Variants in OPCML observed in about 807,000 individuals in gnomAD.
OPCML encodes opioid-binding protein/cell adhesion molecule.
OPCML carries 13 observed loss-of-function variants against 37.8 expected under a neutral mutation model. The observed-to-expected ratio is 0.34, with a 90% CI of 0.22 to 0.55. The LOEUF (loss-of-function observed/expected upper bound fraction) is 0.55, where lower values mean the gene tolerates loss of function less well. OPCML is among the 20% of genes least tolerant of loss of function. The pLI, the probability that OPCML is intolerant of heterozygous loss-of-function variation, is 0.91. For synonymous variants in OPCML, 176 were observed against 168.8 expected (o/e 1.04, Z -0.33); for missense variants, 341 against 435.6 (o/e 0.78, Z 1.93).
chr11:132,632,948 A>C (rs913228202), intron 3 of OPCML, among the ~76,000 whole-genome samples: 1 of 86,080 alleles, frequency 1.2e-5, no homozygotes, highest in Admixed American at 1.0e-4. Flanking sequence ...CACCATATTG[A>C]AAAAAAAAAA....
chr11:133,309,869 G>A (rs1006561817), intron 1 of OPCML, among the ~76,000 whole-genome samples: 2 of 152,188 alleles, frequency 1.3e-5, no homozygotes, highest in Admixed American at 6.5e-5. Flanking sequence ...GTCTATTGGT[G>A]GGGAAGTCAG....
intron 3 of OPCML, among the ~76,000 whole-genome samples, chr11:132,548,376 G>GTTCTGC (rs2096373699): frequency 6.6e-6 from 1 of 152,126 alleles, no homozygotes; most frequent in Non-Finnish European, 1.5e-5. Context: ...CCCTATATCT[G>GTTCTGC]CCCCAGAACA....
intron 1 of OPCML, among the ~76,000 whole-genome samples, chr11:133,332,580 T>A (rs767246182): frequency 6.6e-6 from 1 of 152,204 alleles, no homozygotes; most frequent in Non-Finnish European, 1.5e-5. Flanking sequence ...GCTGTGGGTA[T>A]GTCATAGATG....
intron 4 of OPCML, among the ~76,000 whole-genome samples, chr11:132,457,074 G>T (rs1360777805): frequency 6.6e-6 from 1 of 152,146 alleles, no homozygotes; most frequent in South Asian, 2.1e-4. Flanking sequence ...GGTGGTTTCT[G>T]GGAGGAGCTG....
In OPCML at chr11:133,140,766, A is replaced by C. The variant is rs62644103; in HGVS notation, c.62-197756T>G. Among the ~76,000 whole-genome samples, 92 of 112,572 alleles carry C rather than the reference A, an allele frequency of 8.2e-4. 2 individuals carry two copies. The highest frequency in any genetic ancestry group is 4.2e-3 in the Middle Eastern group (1 of 238). The allele number at this position is 112,572 out of a possible 152,430, so 73.9% of individuals were successfully genotyped here. A position where few individuals can be genotyped will look rare whatever the true frequency, so the allele number is the denominator to read the frequency against. On this transcript the variant is annotated intron_variant, in intron 1 of 7. Coordinates refer to ENST00000524381, the MANE Select transcript of OPCML (RefSeq NM_001012393.5). ...ACGACGAGGAAGAAGAAGACGACGA[A>C]GAAGAAGAAGAAGAAGACGACGAAG...
chr11:133,269,566 T>G (rs1941762172), intron 1 of OPCML, among the ~76,000 whole-genome samples: 1 of 152,226 alleles, frequency 6.6e-6, no homozygotes, highest in Non-Finnish European at 1.5e-5. Flanking sequence ...TTACTCATGT[T>G]TTTTCTTTTT....
At chr11:132,453,135 C>T (rs995362587) in intron 4 of OPCML, among the ~76,000 whole-genome samples, 13 of 152,166 alleles carry the variant, frequency 8.5e-5, no homozygotes, top group African/African-American at 3.1e-4. Context: ...ATCTGGGTTC[C>T]TGTAGAACGT....
intron 3 of OPCML, among the ~76,000 whole-genome samples, chr11:132,631,286 T>C (rs1006356721): frequency 7.3e-5 from 11 of 150,666 alleles, no homozygotes; most frequent in African/African-American, 2.7e-4. Flanking sequence ...AGATCTGTAG[T>C]TGCAAATTTT....
intron 1 of OPCML, among the ~76,000 whole-genome samples, chr11:133,483,689 T>G (rs532595821): frequency 2.1e-5 from 3 of 140,860 alleles, no homozygotes; most frequent in Admixed American, 6.8e-5. Context: ...GATAGATAGA[T>G]AGATAGATAG....
Position 132,478,189 on chromosome 11 carries a change from G to T in OPCML, c.506-40830C>A, listed in dbSNP as rs574646470. ...ATTTGGCTGTATTCAAATAGACTTA[G>T]AATCAAATACCAATTGTTCTAAGTT... On this transcript the variant is annotated intron_variant, in intron 4 of 7. Transcript: ENST00000524381. Among the ~76,000 whole-genome samples the T allele has an allele frequency of 1.4e-4, 22 of 152,230 alleles. No homozygotes were observed. In the South Asian group the frequency reaches 4.6e-3, roughly 32 times the overall value.
chr11:133,307,495 ATTTGTT>A (rs1942954001), intron 1 of OPCML, among the ~76,000 whole-genome samples: 1 of 152,140 alleles, frequency 6.6e-6, no homozygotes, highest in Admixed American at 6.5e-5. Context: ...TGTAGACAAA[ATTTGTT>A]TTTCTGCACT....
At chr11:133,028,810 A>G (rs1270983470) in intron 1 of OPCML, among the ~76,000 whole-genome samples, 1 of 152,070 alleles carries the variant, frequency 6.6e-6, no homozygotes, top group African/African-American at 2.4e-5. Flanking sequence ...CAAATAATTT[A>G]TGACTATGTC....
chr11:133,350,247 C>G (rs905186028), intron 1 of OPCML, among the ~76,000 whole-genome samples: 2 of 152,222 alleles, frequency 1.3e-5, no homozygotes, highest in African/African-American at 4.8e-5. Flanking sequence ...CCACTGGGAT[C>G]TTCCCACAGT....
chr11:133,130,601 C>A (rs186406816), intron 1 of OPCML, among the ~76,000 whole-genome samples: 10 of 152,012 alleles, frequency 6.6e-5, no homozygotes, highest in African/African-American at 2.4e-4. Flanking sequence ...ACTCTAAATT[C>A]TTTAATGGAA....
chr11:133,021,449 C>T (rs1947449332), intron 1 of OPCML, among the ~76,000 whole-genome samples: 1 of 151,910 alleles, frequency 6.6e-6, no homozygotes, highest in Non-Finnish European at 1.5e-5. Flanking sequence ...GTTCACAAGC[C>T]GAAGACACAT....
At chr11:132,829,411 A>C (rs1448568398) in intron 2 of OPCML, among the ~76,000 whole-genome samples, 3 of 152,230 alleles carry the variant, frequency 2.0e-5, no homozygotes, top group Non-Finnish European at 4.4e-5. Context: ...GAACAAGTGA[A>C]TATTACTGAA....
chr11:132,483,810 A>G (rs1211712449), intron 4 of OPCML, among the ~76,000 whole-genome samples: 1 of 151,730 alleles, frequency 6.6e-6, no homozygotes, highest in Non-Finnish European at 1.5e-5. Context: ...AAAACAAGCA[A>G]TGGGGAAAGG....
chr11:132,867,375 G>T (rs951980493), intron 2 of OPCML, among the ~76,000 whole-genome samples: 1 of 152,264 alleles, frequency 6.6e-6, no homozygotes, highest in East Asian at 1.9e-4. Flanking sequence ...AAGGAAATCC[G>T]ACTGGTGACT....
At chr11:132,819,419 AAC>A (rs5795803) in intron 2 of OPCML, among the ~76,000 whole-genome samples, 71,505 of 151,418 alleles carry the variant, frequency 0.47, 17,174 homozygotes, top group East Asian at 0.6. Flanking sequence ...GAAGAATTTT[AAC>A]AGAGTGTTTG....
Sources: gnomAD v4.1 joint callset for allele counts (sites outside exome capture counted in the v4.1 genomes callset) on GRCh38, gnomAD v4.1.1 for gene constraint, MANE v1.5 for transcripts, NCBI Gene and HGNC (gene_info 2026-07-23, HGNC 2026-07-21) for gene names.